TACR1: variants seen among roughly 807,000 people sequenced by gnomAD.
The protein encoded by TACR1 is tachykinin receptor 1.
TACR1 carries 25 observed loss-of-function variants against 35.8 expected under a neutral mutation model. The ratio of observed to expected loss-of-function variants is 0.70; its 90% CI spans 0.51 to 0.98. TACR1 has a LOEUF of 0.98. TACR1 is among the 50% of genes least tolerant of loss of function. TACR1 has a pLI of 0.00. For missense variants in TACR1, 478 were observed against 522.9 expected (o/e 0.91, Z 0.84); for synonymous variants, 195 against 206.7 (o/e 0.94, Z 0.48).
chr2:75,107,589 C>G (rs543284401), intron 2 of TACR1, among the ~76,000 whole-genome samples: 1 of 151,810 alleles, frequency 6.6e-6, no homozygotes, highest in Admixed American at 6.6e-5. Context: ...AGAAAGAAAA[C>G]TTGAAATACA....
intron 1 of TACR1, among the ~76,000 whole-genome samples, chr2:75,148,122 A>T (rs1336950168): frequency 6.6e-6 from 1 of 152,100 alleles, no homozygotes; most frequent in Non-Finnish European, 1.5e-5. Flanking sequence ...GTTATCATTG[A>T]TGGGCATTTG....
intron 1 of TACR1, among the ~76,000 whole-genome samples, chr2:75,159,060 T>C (rs961112900): frequency 3.4e-5 from 5 of 147,988 alleles, no homozygotes; most frequent in Non-Finnish European, 7.5e-5. Flanking sequence ...CTTTTTTTTT[T>C]AATGTTTTAG....
rs181969587 is a variant in TACR1, at chr2:75,080,928, G to A, written c.585-27173C>T. 1.2e-3 allele frequency among the ~76,000 whole-genome samples: 183 copies of A among 151,848 alleles called. 2 individuals carry two copies. Among genetic ancestry groups the A allele is most frequent in the Middle Eastern group, 6.8e-3 (2 of 294 alleles). ...GATAATTGGAAGGAAGGAAGCCGTG[G>A]GTAGAAATTAGATAAGGAAATAGAA... On this transcript the variant is annotated intron_variant, in intron 2 of 4. Coordinates refer to ENST00000305249, the MANE Select transcript of TACR1 (RefSeq NM_001058.4).
chr2:75,186,061 T>A (rs1675686701), intron 1 of TACR1, among the ~76,000 whole-genome samples: 1 of 152,156 alleles, frequency 6.6e-6, no homozygotes, highest in African/African-American at 2.4e-5. Context: ...ACTATAATTA[T>A]GAAGATTCTA....
At chr2:75,053,581 T>G in intron 3 of TACR1, 24 bp downstream of exon 3, 1 of 1,498,180 alleles carries the variant, frequency 6.7e-7, no homozygotes, top group Non-Finnish European at 8.9e-7. Context: ...CAGGGTGGGT[T>G]AGTTCTGCCT....
chr2:75,088,938 G>A (rs1476139485), intron 2 of TACR1, among the ~76,000 whole-genome samples: 1 of 152,006 alleles, frequency 6.6e-6, no homozygotes, highest in Non-Finnish European at 1.5e-5. Flanking sequence ...TCCACATGCT[G>A]CCCCCACCCT....
chr2:75,125,980 A>G (rs1000766110), intron 1 of TACR1, among the ~76,000 whole-genome samples: 1 of 152,180 alleles, frequency 6.6e-6, no homozygotes, highest in Non-Finnish European at 1.5e-5. Flanking sequence ...TTCTATAGAT[A>G]AACTCATGTT....
intron 1 of TACR1, among the ~76,000 whole-genome samples, chr2:75,147,233 C>T (rs938945812): frequency 2.0e-5 from 3 of 152,214 alleles, no homozygotes; most frequent in Non-Finnish European, 4.4e-5. Context: ...ATGCTTGGCA[C>T]ATGGCCAAAA....
At chr2:75,175,645 T>A (rs1286354961) in intron 1 of TACR1, among the ~76,000 whole-genome samples, 1 of 152,112 alleles carries the variant, frequency 6.6e-6, no homozygotes, top group Non-Finnish European at 1.5e-5. Flanking sequence ...CTGACTTTGA[T>A]CCTCCTCCTT....
chr2:75,059,740 T>C (rs1432214216), intron 2 of TACR1, among the ~76,000 whole-genome samples: 1 of 152,234 alleles, frequency 6.6e-6, no homozygotes, highest in Non-Finnish European at 1.5e-5. Context: ...ATGAACCTGC[T>C]GTTCCCCAGA....
chr2:75,119,354 C>T (rs2103905247), intron 2 of TACR1, among the ~76,000 whole-genome samples: 1 of 152,230 alleles, frequency 6.6e-6, no homozygotes, highest in Non-Finnish European at 1.5e-5. Context: ...GTGACCCTTG[C>T]CCAGGGTCAT....
intron 1 of TACR1, among the ~76,000 whole-genome samples, chr2:75,177,426 G>A (rs548694006): frequency 6.2e-4 from 94 of 152,230 alleles, no homozygotes; most frequent in African/African-American, 2.0e-3. Context: ...CCACTTTCAT[G>A]TTAAATCATT....
chr2:75,178,988 C>T (rs1261888016), intron 1 of TACR1, among the ~76,000 whole-genome samples: 4 of 152,234 alleles, frequency 2.6e-5, no homozygotes, highest in African/African-American at 9.6e-5. Flanking sequence ...GTCAATAAGT[C>T]CCACATCTGT....
At chr2:75,117,857 G>T (rs558980412) in intron 2 of TACR1, among the ~76,000 whole-genome samples, 3 of 152,104 alleles carry the variant, frequency 2.0e-5, no homozygotes, top group Non-Finnish European at 4.4e-5. Context: ...CAGAATGGTC[G>T]TATGAATACT....
intron 2 of TACR1, among the ~76,000 whole-genome samples, chr2:75,120,000 A>G (rs1673934907): frequency 6.6e-6 from 1 of 152,162 alleles, no homozygotes; most frequent in Admixed American, 6.5e-5. Flanking sequence ...AACACAAACC[A>G]CAGAGACACA....
intron 2 of TACR1, among the ~76,000 whole-genome samples, chr2:75,054,744 CTAATAA>C (rs950970440): frequency 7.3e-5 from 11 of 151,546 alleles, no homozygotes; most frequent in South Asian, 2.1e-4. Context: ...CTCAGAATTC[CTAATAA>C]TAATAATAAT....
intron 1 of TACR1, among the ~76,000 whole-genome samples, chr2:75,146,510 A>G (rs977754483): frequency 2.6e-5 from 4 of 152,200 alleles, no homozygotes; most frequent in African/African-American, 9.7e-5. Flanking sequence ...CAGGCAAGAT[A>G]AGGATGAAGA....
chr2:75,063,308 G>T (rs577199835), intron 2 of TACR1, among the ~76,000 whole-genome samples: 1 of 152,154 alleles, frequency 6.6e-6, no homozygotes, highest in African/African-American at 2.4e-5. Flanking sequence ...GTATATTGGG[G>T]TGGTCATATT....
intron 2 of TACR1, among the ~76,000 whole-genome samples, chr2:75,071,090 G>T (rs943911951): frequency 1.7e-4 from 26 of 152,218 alleles, no homozygotes; most frequent in African/African-American, 6.3e-4. Context: ...ATTGTCTGTG[G>T]CTGTTTTCGT....
Sources: gnomAD v4.1 joint callset for allele counts (sites outside exome capture counted in the v4.1 genomes callset) on GRCh38, gnomAD v4.1.1 for gene constraint, MANE v1.5 for transcripts, NCBI Gene and HGNC (gene_info 2026-07-23, HGNC 2026-07-21) for gene names.